CCP110: variants seen among roughly 807,000 people sequenced by gnomAD.
CCP110 encodes the protein centriolar coiled-coil protein 110.
In CCP110, 43 loss-of-function variants were observed where a neutral mutation model predicts 105.5. The ratio of observed to expected loss-of-function variants is 0.41; its 90% CI spans 0.32 to 0.53. CCP110 has a LOEUF of 0.53. CCP110 is among the 20% of genes least tolerant of loss of function. CCP110 has a pLI of 0.32. For missense variants in CCP110, 1,016 were observed against 1,189.1 expected (o/e 0.85, Z 2.14); for synonymous variants, 353 against 392.1 (o/e 0.90, Z 1.18).
Position 19,543,462 on chromosome 16 carries a change from CAT to C in CCP110, c.2484+469_2484+470del, listed in dbSNP as rs559533776. ...TTAACTCTACAAATTGATTGCAAAACATGTGTGTTTGAACAATAGGAAATCAG... is the reference window on the plus strand; with the variant it reads ...TTAACTCTACAAATTGATTGCAAAACGTGTGTTTGAACAATAGGAAATCAG... On this transcript the variant is annotated intron_variant, in intron 8 of 14. Coordinates refer to ENST00000381396, the Ensembl canonical transcript of CCP110. Among the ~76,000 whole-genome samples the C allele has an allele frequency of 3.1e-4, 47 of 152,272 alleles. No homozygotes were observed. In the East Asian group the frequency reaches 7.7e-3, roughly 25 times the overall value.
At chr16:19,546,102 T>G (rs1970448845) in intron 11 of CCP110, 5 of 549,766 alleles carry the variant, frequency 9.1e-6, no homozygotes, top group Non-Finnish European at 1.6e-5. Context: ...TTGACAACAT[T>G]CAACTCATAT....
chr16:19,538,350 G>T (rs1289456596), intron 4 of CCP110, among the ~76,000 whole-genome samples: 3 of 107,318 alleles, frequency 2.8e-5, no homozygotes, highest in African/African-American at 8.1e-5. Context: ...TTGCTCTGTC[G>T]CCAGGCTGGA....
At chr16:19,540,737 T>G in exon 5 of CCP110, 1 of 1,613,650 alleles carries the variant, frequency 6.2e-7, no homozygotes, top group Non-Finnish European at 8.5e-7. Context: ...CGCCCAGCAA[T>G]TATCACTACT....
In CCP110 at chr16:19,543,156, C is replaced by T. The variant is rs369862371; in HGVS notation, c.2484+162C>T. Among the ~76,000 whole-genome samples the T allele has an allele frequency of 2.0e-4, 30 of 152,256 alleles. 1 individual carries two copies. In the East Asian group the frequency reaches 5.4e-3, roughly 27 times the overall value. On this transcript the variant is annotated intron_variant, in intron 8 of 14. Coordinates refer to ENST00000381396, the Ensembl canonical transcript of CCP110. ...TGTTTGTTGCGGGAAGTCAGGGACC[C>T]CGAATGGAGGGACCAGCTGGAGCCG...
At chr16:19,549,718 T>C (rs527575788) in intron 14 of CCP110, among the ~76,000 whole-genome samples, 101 of 152,352 alleles carry the variant, frequency 6.6e-4, no homozygotes, top group South Asian at 6.4e-3. Flanking sequence ...AGACATTTTC[T>C]GTTTTTCTCA....
chr16:19,529,946 C>T (rs762431172), intron 2 of CCP110, among the ~76,000 whole-genome samples: 1 of 152,084 alleles, frequency 6.6e-6, no homozygotes, highest in Admixed American at 6.6e-5. Context: ...AATCCCAGCA[C>T]TTTGGGAGGC....
chr16:19,542,546 C>T, intron 6 of CCP110, 75 bp from the exon 7 acceptor site: 1 of 1,130,206 alleles, frequency 8.8e-7, no homozygotes. Flanking sequence ...ATGAGTGTCA[C>T]AAGTGTTTAT....
At chr16:19,536,343 T>C in exon 4 of CCP110, 8 of 1,612,704 alleles carry the variant, frequency 5.0e-6, no homozygotes, top group Non-Finnish European at 6.8e-6. Flanking sequence ...GATCCCTATG[T>C]AATGAGTCTT....
rs1302500001 is a variant in CCP110, at chr16:19,542,904, AT to A, written c.2397del (p.Phe799LeufsTer4). ...TTTTTAGTCTGGAAATACAAGCAAA[AT>A]TTAACAAAATAACTGCAGTGGCAAA... is the stretch of plus-strand genomic sequence containing the variant. On this transcript the variant is annotated frameshift_variant, in exon 8 of 15. Coordinates refer to ENST00000381396, the Ensembl canonical transcript of CCP110. LOFTEE classifies it high-confidence loss of function. The A allele has an allele frequency of 5.6e-6, 9 of 1,612,890 alleles. No homozygotes were observed. Among genetic ancestry groups the A allele is most frequent in the Non-Finnish European group, 6.8e-6 (8 of 1,178,950 alleles).
intron 12 of CCP110, chr16:19,547,735 T>C: frequency 2.1e-6 from 1 of 478,456 alleles, no homozygotes; most frequent in East Asian, 3.6e-5. Context: ...TGGACATTTC[T>C]TTGCTGATAA....
At chr16:19,550,188 G>C (rs1020743598) in intron 14 of CCP110, among the ~76,000 whole-genome samples, 1 of 149,000 alleles carries the variant, frequency 6.7e-6, no homozygotes, top group African/African-American at 2.5e-5. Flanking sequence ...GTCTTGTTCT[G>C]TTGCCCAGGC....
At chr16:19,533,354 T>A (rs901415698) in intron 3 of CCP110, among the ~76,000 whole-genome samples, 2 of 152,100 alleles carry the variant, frequency 1.3e-5, no homozygotes, top group Non-Finnish European at 2.9e-5. Context: ...GTTGAGGATG[T>A]GCCAAGGAAA....
intron 4 of CCP110, among the ~76,000 whole-genome samples, chr16:19,539,592 G>C (rs1290139409): frequency 2.0e-5 from 3 of 151,854 alleles, no homozygotes; most frequent in African/African-American, 7.3e-5. Flanking sequence ...AGGCTCAGGT[G>C]ATCAGCCCTC....
rs973223666 is a variant in CCP110, at chr16:19,548,256, T to G, written c.2900+242T>G. ...TTTTTACTTTTCATTTCATACCATT[T>G]TACTCATAAAGTATTTTAAATATCC... is the stretch of plus-strand genomic sequence containing the variant. On this transcript the variant is annotated intron_variant, in intron 13 of 14. Transcript: ENST00000381396. The surrounding 1 kb of genome is among the most constrained non-coding windows in gnomAD (Gnocchi z 4.1). 3.5e-6 allele frequency: 2 copies of G among 578,548 alleles called. No homozygotes were observed. Among genetic ancestry groups the G allele is most frequent in the Non-Finnish European group, 6.1e-6 (2 of 328,680 alleles). 35.8% of individuals were successfully genotyped at this position (578,548 alleles called of 1,614,324 possible). A position where few individuals can be genotyped will look rare whatever the true frequency, so the allele number is the denominator to read the frequency against.
At chr16:19,524,427 T>A (rs902197722) in intron 1 of CCP110, among the ~76,000 whole-genome samples, 13 of 152,062 alleles carry the variant, frequency 8.5e-5, no homozygotes. Context: ...AACCCCATCG[T>A]GGTGATCAAA....
At chr16:19,542,136 A>C (rs1005061521) in intron 6 of CCP110, 72 bp downstream of exon 6, 10 of 1,002,130 alleles carry the variant, frequency 1.0e-5, no homozygotes, top group Non-Finnish European at 1.5e-5. Context: ...GCACACTATA[A>C]GATTATATCT....
rs1361291647 is a variant in CCP110, at chr16:19,535,789, G to A, written c.271-151G>A. The A allele has an allele frequency of 6.8e-6, 4 of 585,916 alleles. No homozygotes were observed. In the East Asian group the frequency reaches 1.2e-4, roughly 17 times the overall value. 36.3% of individuals were successfully genotyped at this position (585,916 alleles called of 1,614,324 possible). ...ATAATTTGAGCCCCCTGTGATACAGGATACCGTAGAAACCTGTCATCTTAG... is the reference window on the plus strand; with the variant it reads ...ATAATTTGAGCCCCCTGTGATACAGAATACCGTAGAAACCTGTCATCTTAG... On this transcript the variant is annotated intron_variant, in intron 3 of 14. Coordinates refer to ENST00000381396, the Ensembl canonical transcript of CCP110.
In CCP110 at chr16:19,548,376, T is replaced by C; in HGVS notation, c.2901-139T>C. On this transcript the variant is annotated intron_variant, in intron 13 of 14. Transcript: ENST00000381396. This position sits in a 1 kb window ranked among gnomAD's most constrained non-coding sequence, Gnocchi z 4.1. ...GAAGCCAGAGTTTAGCTTTCCTTACTGTGCGCATGCATGAGACTTCAGTTC... is the reference window on the plus strand; with the variant it reads ...GAAGCCAGAGTTTAGCTTTCCTTACCGTGCGCATGCATGAGACTTCAGTTC... The C allele has an allele frequency of 1.6e-6, 1 of 612,302 alleles. No homozygotes were observed. The highest frequency in any genetic ancestry group is 2.2e-5 in the South Asian group (1 of 44,892). 37.9% of individuals were successfully genotyped at this position (612,302 alleles called of 1,614,324 possible).
chr16:19,548,386 C>T lies in CCP110; in HGVS notation c.2901-129C>T. ...TTTAGCTTTCCTTACTGTGCGCATG[C>T]ATGAGACTTCAGTTCTTTTCAAGCT... On this transcript the variant is annotated intron_variant, in intron 13 of 14. Coordinates refer to ENST00000381396, the Ensembl canonical transcript of CCP110. This position sits in a 1 kb window ranked among gnomAD's most constrained non-coding sequence, Gnocchi z 4.1. 1.6e-6 allele frequency: 1 copy of T among 642,566 alleles called. No homozygotes were observed. The highest frequency in any genetic ancestry group is 2.7e-6 in the Non-Finnish European group (1 of 374,914). The allele number at this position is 642,566 out of a possible 1,614,324, so 39.8% of individuals were successfully genotyped here. A position where few individuals can be genotyped will look rare whatever the true frequency, so the allele number is the denominator to read the frequency against.
Sources: allele counts gnomAD v4.1 joint callset (sites outside exome capture counted in the v4.1 genomes callset), GRCh38; gene constraint gnomAD v4.1.1; non-coding constraint Gnocchi (gnomAD v3.1); transcripts MANE v1.5; gene names NCBI Gene and HGNC (gene_info 2026-07-23, HGNC 2026-07-21).